Variants in AKR1C3 observed in about 807,000 individuals in gnomAD.
AKR1C3 encodes 3-alpha hydroxysteroid dehydrogenase, type II.
AKR1C3 carries 48 observed loss-of-function variants against 43.6 expected under a neutral mutation model. The observed-to-expected ratio is 1.10, with a 90% confidence interval of 0.87 to 1.40. The LOEUF (loss-of-function observed/expected upper bound fraction) is 1.40, where lower values mean the gene tolerates loss of function less well. AKR1C3 is among the 40% of genes most tolerant of loss of function. The pLI, the probability that AKR1C3 is intolerant of heterozygous loss-of-function variation, is 0.00. For synonymous variants in AKR1C3, 162 were observed against 139.6 expected, an observed-to-expected ratio of 1.16 and a Z score of -1.13; for missense variants, 482 against 391.2, an observed-to-expected ratio of 1.23 and a Z score of -1.96.
intron 5 of AKR1C3, among the ~76,000 whole-genome samples, chr10:5,101,169 G>GCTGAT (rs1325552104): frequency 2.6e-5 from 4 of 152,146 alleles, no homozygotes; most frequent in Non-Finnish European, 5.9e-5. Flanking sequence ...CAAGTTGTGA[G>GCTGAT]CTGATCTGTT....
chr10:5,091,986 T>C (rs1242751565), upstream of AKR1C3, among the ~76,000 whole-genome samples: 1 of 152,270 alleles, frequency 6.6e-6, no homozygotes, highest in South Asian at 2.1e-4. Context: ...GCAGATCTAA[T>C]GGCAATGGAC....
At chr10:5,080,373 C>G (rs147540356) in intron 1 of AKR1C3, among the ~76,000 whole-genome samples, 26 of 152,250 alleles carry the variant, frequency 1.7e-4, no homozygotes, top group South Asian at 4.1e-4. Context: ...TCTGTAATCC[C>G]AGCATGTTGG....
intron 7 of AKR1C3, among the ~76,000 whole-genome samples, chr10:5,103,335 T>A (rs199689844): frequency 1.2e-5 from 1 of 81,024 alleles, no homozygotes; most frequent in African/African-American, 3.5e-5. Context: ...TACTGCCTGT[T>A]TAAGTCTTTC....
intron 8 of AKR1C3, 132 bp downstream of exon 8, chr10:5,105,809 C>G: frequency 1.4e-6 from 1 of 694,916 alleles, no homozygotes; most frequent in Non-Finnish European, 2.5e-6. Context: ...AACTCTCCTG[C>G]TGGATTCACT....
chr10:5,105,554 C>T (rs782372273), intron 7 of AKR1C3, 41 bp from the exon 8 acceptor site: 2 of 1,474,688 alleles, frequency 1.4e-6, no homozygotes, highest in East Asian at 4.7e-5. Context: ...GGATTCACAA[C>T]TGGCAATCTA....
upstream of AKR1C3, among the ~76,000 whole-genome samples, chr10:5,090,540 G>T (rs1268200814): frequency 6.6e-6 from 1 of 152,116 alleles, no homozygotes; most frequent in Non-Finnish European, 1.5e-5. Flanking sequence ...TCTTCACCCA[G>T]TTCAATATAG....
chr10:5,088,369 T>G (rs1174913225), intron 1 of AKR1C3, among the ~76,000 whole-genome samples: 1 of 151,112 alleles, frequency 6.6e-6, no homozygotes, highest in Non-Finnish European at 1.5e-5. Context: ...TCCAGAGAGT[T>G]TTTTTTTTGG....
intron 1 of AKR1C3, among the ~76,000 whole-genome samples, chr10:5,064,644 C>T (rs1437684101): frequency 1.3e-5 from 2 of 151,994 alleles, no homozygotes; most frequent in African/African-American, 4.8e-5. Context: ...GATGAATGTC[C>T]AATATCCAGA....
intron 1 of AKR1C3, among the ~76,000 whole-genome samples, chr10:5,058,704 C>T (rs552758156): frequency 9.2e-5 from 14 of 152,250 alleles, no homozygotes; most frequent in Admixed American, 4.6e-4. Context: ...TTGCGCTCAC[C>T]GACGCAGCAG....
At chr10:5,069,181 A>C (rs937544392) in intron 1 of AKR1C3, among the ~76,000 whole-genome samples, 2 of 152,230 alleles carry the variant, frequency 1.3e-5, no homozygotes, top group Non-Finnish European at 2.9e-5. Flanking sequence ...AGAGCGAAAG[A>C]GACCAGAGAC....
chr10:5,087,827 A>C (rs1270947873), intron 1 of AKR1C3, among the ~76,000 whole-genome samples: 1 of 150,760 alleles, frequency 6.6e-6, no homozygotes, highest in Non-Finnish European at 1.5e-5. Context: ...AATTTCATTT[A>C]GTTATGGTGT....
chr10:5,105,762 A>C (rs1339966139), intron 8 of AKR1C3, 85 bp downstream of exon 8: 11 of 1,013,356 alleles, frequency 1.1e-5, no homozygotes, highest in Non-Finnish European at 1.7e-5. Context: ...TCCATACCAG[A>C]GGGACAGAGG....
chr10:5,095,514 T>C (rs1437456391), intron 1 of AKR1C3, among the ~76,000 whole-genome samples: 1 of 150,900 alleles, frequency 6.6e-6, no homozygotes, highest in Non-Finnish European at 1.5e-5. Flanking sequence ...TCTCAGGAGA[T>C]GGCGGGGAGA....
chr10:5,064,467 C>A (rs1201079171), intron 1 of AKR1C3, among the ~76,000 whole-genome samples: 13 of 152,114 alleles, frequency 8.5e-5, no homozygotes, highest in Non-Finnish European at 1.6e-4. Context: ...CTGAAATAGG[C>A]CCTGGCAAAG....
intron 1 of AKR1C3, among the ~76,000 whole-genome samples, chr10:5,068,608 T>C (rs1838558124): frequency 6.6e-6 from 1 of 152,142 alleles, no homozygotes; most frequent in Non-Finnish European, 1.5e-5. Flanking sequence ...CTCCTAGCAA[T>C]CTTAATTGTA....
chr10:5,096,284 G>T, intron 1 of AKR1C3, 126 bp from the exon 2 acceptor site: 8 of 1,187,134 alleles, frequency 6.7e-6, no homozygotes, highest in Non-Finnish European at 9.3e-6. Context: ...GGCAAACTGA[G>T]ATGGACTTTT....
upstream of AKR1C3, among the ~76,000 whole-genome samples, chr10:5,090,155 G>T (rs1430994764): frequency 2.0e-5 from 3 of 152,104 alleles, no homozygotes; most frequent in Admixed American, 6.6e-5. Context: ...TGATGGGATG[G>T]ACCGTGGAAT....
At chr10:5,062,790 A>G (rs1464026360) in intron 1 of AKR1C3, among the ~76,000 whole-genome samples, 1 of 151,524 alleles carries the variant, frequency 6.6e-6, no homozygotes. Flanking sequence ...TAAATACTAG[A>G]TCTGCTACAG....
Position 5,102,577 on chromosome 10 carries a change from G to T in AKR1C3, c.773G>T (p.Arg258Leu). ...HKRTPALIALRYQLQRGVVVL... is the reference protein window; with the variant it reads ...HKRTPALIALLYQLQRGVVVL... ...CGAACCCCAGCCCTGATTGCCCTGCGCTACCAGCTGCAGCGTGGGGTTGTG... is the reference window on the plus strand; with the variant it reads ...CGAACCCCAGCCCTGATTGCCCTGCTCTACCAGCTGCAGCGTGGGGTTGTG... Residue 258 changes from arginine to leucine, a missense_variant, in exon 7 of 9, where the codon CGC (arginine) becomes CTC (leucine). Coordinates refer to ENST00000380554, the MANE Select transcript of AKR1C3 (RefSeq NM_003739.6). The T allele has an allele frequency of 6.4e-7, 1 of 1,556,178 alleles. No individual in the cohort carries two copies. The highest frequency in any genetic ancestry group is 8.7e-7 in the Non-Finnish European group (1 of 1,148,288).
Sources: allele counts gnomAD v4.1 joint callset (sites outside exome capture counted in the v4.1 genomes callset), GRCh38; gene constraint gnomAD v4.1.1; transcripts MANE v1.5; gene names NCBI Gene and HGNC (gene_info 2026-07-23, HGNC 2026-07-21).